ZC3H8: variants seen among roughly 807,000 people sequenced by gnomAD.
The protein encoded by ZC3H8 is zinc finger CCCH domain-containing protein 8.
Under a neutral mutation model 42.5 loss-of-function variants are expected in ZC3H8, and 27 were observed. The ratio of observed to expected loss-of-function variants is 0.64; its 90% CI spans 0.47 to 0.88. The LOEUF (loss-of-function observed/expected upper bound fraction) is 0.88. ZC3H8 is among the 40% of genes least tolerant of loss of function. The pLI, the probability that ZC3H8 is intolerant of heterozygous loss-of-function variation, is 0.00. For missense variants in ZC3H8, 277 were observed against 336.1 expected, an observed-to-expected ratio of 0.82 and a Z score of 1.37; for synonymous variants, 101 against 110.1, an observed-to-expected ratio of 0.92 and a Z score of 0.52.
chr2:112,220,960 G>A (rs1684558577), intron 8 of ZC3H8, among the ~76,000 whole-genome samples: 1 of 152,102 alleles, frequency 6.6e-6, no homozygotes, highest in South Asian at 2.1e-4. Context: ...GTAGAATTTT[G>A]CAGAGGTTCT....
chr2:112,221,604 G>A (rs1684589150), intron 8 of ZC3H8, among the ~76,000 whole-genome samples: 1 of 152,044 alleles, frequency 6.6e-6, no homozygotes, highest in Non-Finnish European at 1.5e-5. Context: ...AGGTATTTTG[G>A]AGAGCCAGTC....
chr2:112,237,034 C>A (rs903620211), intron 3 of ZC3H8, among the ~76,000 whole-genome samples: 19 of 152,258 alleles, frequency 1.2e-4, no homozygotes, highest in African/African-American at 4.6e-4. Context: ...GCACTCCAGC[C>A]TGGGCAACAG....
In ZC3H8 at chr2:112,233,327, T is replaced by C. The variant is rs1685172924; in HGVS notation, c.666A>G (p.Lys222=). Residue 222 remains lysine (K), a synonymous_variant, in exon 6 of 9, where the codon AAA becomes AAG. Transcript: ENST00000409573. ...KFDHDAEIEK[K]KEMCKFYVQG... ...GTACATAAAACTTACACATTTCCTT[T>C]TTCTTTTCTATCTCTGCATCATGAT... 4 of 1,599,654 alleles carry C rather than the reference T, an allele frequency of 2.5e-6. No individual in the cohort carries two copies. In the East Asian group the frequency reaches 9.0e-5, roughly 36 times the overall value.
intron 8 of ZC3H8, among the ~76,000 whole-genome samples, chr2:112,223,395 A>AAAAT (rs1233168118): frequency 6.6e-6 from 1 of 152,200 alleles, no homozygotes; most frequent in African/African-American, 2.4e-5. Flanking sequence ...AGAATAGAAT[A>AAAAT]AAATAAATAA....
chr2:112,224,744 T>C lies in ZC3H8; in HGVS notation c.*15+6159A>G, dbSNP rs77979610. On this transcript the variant is annotated intron_variant, in intron 8 of 8. Transcript: ENST00000409573. ...AGTGTAGACTATATAATTCTGCTTATATGAAATTCTAGAACAGGCAAAACT... is the reference window on the plus strand; with the variant it reads ...AGTGTAGACTATATAATTCTGCTTACATGAAATTCTAGAACAGGCAAAACT... 3.8e-3 allele frequency among the ~76,000 whole-genome samples: 581 copies of C among 152,318 alleles called. 1 individual carries two copies. The highest frequency in any genetic ancestry group is 0.013 in the African/African-American group (558 of 41,554).
At chr2:112,231,014 C>A in intron 7 of ZC3H8, 64 bp from the exon 8 acceptor site, 1 of 1,002,250 alleles carries the variant, frequency 1.0e-6, no homozygotes, top group Non-Finnish European at 1.3e-6. Flanking sequence ...GGTATACTGT[C>A]ATATTCATAA....
intron 2 of ZC3H8, 78 bp downstream of exon 2, chr2:112,250,113 C>CTTTTTTTTTT: frequency 9.2e-7 from 1 of 1,085,752 alleles, no homozygotes. Context: ...TCTGTTTTTT[C>CTTTTTTTTTT]TTTTTTTGTT....
intron 2 of ZC3H8, among the ~76,000 whole-genome samples, chr2:112,241,484 A>C (rs1038413376): frequency 2.0e-5 from 3 of 152,200 alleles, no homozygotes; most frequent in Non-Finnish European, 2.9e-5. Flanking sequence ...AAATTCAGTG[A>C]ACTTGAATTC....
At chr2:112,235,914 C>T (rs1202338632) in intron 4 of ZC3H8, among the ~76,000 whole-genome samples, 5 of 144,574 alleles carry the variant, frequency 3.5e-5, no homozygotes, top group African/African-American at 5.2e-5. Flanking sequence ...CCATTTTTCC[C>T]GAGTCATTGA....
In ZC3H8 at chr2:112,214,446, C is replaced by T. The variant is rs1283407510; in HGVS notation, c.*2038G>A. On this transcript the variant is annotated 3_prime_UTR_variant, in exon 9 of 9. Coordinates refer to ENST00000409573, the MANE Select transcript of ZC3H8 (RefSeq NM_032494.3). ...CATACAACTTTCTGGCTTTATTTCT[C>T]CTGGTTTGAATTTTTTAGACTATGG... 6.6e-6 allele frequency: 1 copy of T among 151,918 alleles called. No individual in the cohort carries two copies. The highest frequency in any genetic ancestry group is 1.5e-5 in the Non-Finnish European group (1 of 67,998). The allele number at this position is 151,918 out of a possible 1,614,324, so 9.4% of individuals were successfully genotyped here.
rs1251109881 is a variant in ZC3H8, at chr2:112,211,890, C to T, written c.*4594G>A. 6.6e-6 allele frequency: 1 copy of T among 152,208 alleles called. No homozygotes were observed. Among genetic ancestry groups the T allele is most frequent in the African/African-American group, 2.4e-5 (1 of 41,442 alleles). 9.4% of individuals were successfully genotyped at this position (152,208 alleles called of 1,614,324 possible). On this transcript the variant is annotated 3_prime_UTR_variant, in exon 9 of 9. Transcript: ENST00000409573. ...GGCATCTTGTCCCTCCCTATCCAAA[C>T]ATATACATTCTCCCCTCTCCTCTTA...
chr2:112,232,948 G>T (rs542456697), intron 6 of ZC3H8, among the ~76,000 whole-genome samples: 2 of 152,260 alleles, frequency 1.3e-5, no homozygotes, highest in East Asian at 3.9e-4. Context: ...TAGCTTATTT[G>T]AATATAGATT....
At position 112,234,500 on chromosome 2, in the gene ZC3H8, GA is replaced by G. The variant is rs149591559; in HGVS notation, c.505-265del. ...TTGCCTTTATTTTGTAAAAATGAAT[GA>G]AAAAAATTTTTTAAATGGGCCAGAC... On this transcript the variant is annotated intron_variant, in intron 4 of 8. Coordinates refer to ENST00000409573, the MANE Select transcript of ZC3H8 (RefSeq NM_032494.3). Among the ~76,000 whole-genome samples, 882 of 152,200 alleles carry G rather than the reference GA, an allele frequency of 5.8e-3. 10 individuals are homozygous for G. Among genetic ancestry groups the G allele is most frequent in the Non-Finnish European group, 7.8e-3 (527 of 67,998 alleles).
intron 8 of ZC3H8, among the ~76,000 whole-genome samples, chr2:112,225,748 C>T (rs1445561021): frequency 1.3e-5 from 2 of 151,998 alleles, no homozygotes; most frequent in African/African-American, 2.4e-5. Flanking sequence ...ACCCAGGAGA[C>T]GGAAGTTGCA....
chr2:112,229,600 C>A (rs1403796683), intron 8 of ZC3H8, among the ~76,000 whole-genome samples: 1 of 152,164 alleles, frequency 6.6e-6, no homozygotes, highest in Non-Finnish European at 1.5e-5. Context: ...ACTGACCCAG[C>A]AGATCTGCCA....
intron 2 of ZC3H8, among the ~76,000 whole-genome samples, chr2:112,248,753 T>C (rs1026668032): frequency 3.3e-5 from 5 of 152,126 alleles, no homozygotes; most frequent in African/African-American, 1.2e-4. Context: ...TGGGTTGAAC[T>C]GCACCCTCCC....
At chr2:112,233,536 CT>C (rs1181049192) in intron 5 of ZC3H8, among the ~76,000 whole-genome samples, 165 bp from the exon 6 acceptor site, 1 of 149,088 alleles carries the variant, frequency 6.7e-6, no homozygotes, top group Non-Finnish European at 1.5e-5. Context: ...TCACATATAT[CT>C]GCTTAAAATC....
chr2:112,251,992 T>C (rs1336541957), intron 1 of ZC3H8, among the ~76,000 whole-genome samples: 1 of 152,230 alleles, frequency 6.6e-6, no homozygotes, highest in Non-Finnish European at 1.5e-5. Flanking sequence ...GTTGGTTCCT[T>C]ATCTTCACAA....
In ZC3H8 at chr2:112,234,152, A is replaced by G. The variant is rs1376977465; in HGVS notation, c.589T>C (p.Cys197Arg). The G allele has an allele frequency of 1.2e-6, 2 of 1,600,140 alleles. No individual in the cohort carries two copies. The highest frequency in any genetic ancestry group is 1.7e-6 in the Non-Finnish European group (2 of 1,174,074). Residue 197 changes from cysteine (C) to arginine (R), a missense_variant, in exon 5 of 9, where the codon TGT (cysteine) becomes CGT (arginine). Transcript: ENST00000409573. ...CATTTCCTTTCAAGAAAATATTTAC[A>G]AATTTGTTTTCCCTTGCGTTCCACT... ...HTVERKGKQI[C>R]KYFLERKCIK...
Sources: gnomAD v4.1 joint callset for allele counts (sites outside exome capture counted in the v4.1 genomes callset) on GRCh38, gnomAD v4.1.1 for gene constraint, MANE v1.5 for transcripts, NCBI Gene and HGNC (gene_info 2026-07-23, HGNC 2026-07-21) for gene names.